The following TNFAIP3 variants were observed in gnomAD, a reference collection of about 807,000 sequenced individuals.
TNFAIP3 encodes TNF alpha induced protein 3.
TNFAIP3 carries 9 observed loss-of-function variants against 72.4 expected under a neutral mutation model. The observed-to-expected ratio is 0.12, with a 90% CI of 0.07 to 0.22. The LOEUF is 0.22. TNFAIP3 is among the 10% of genes least tolerant of loss of function. The pLI, the probability that TNFAIP3 is intolerant of heterozygous loss-of-function variation, is 1.00. For synonymous variants in TNFAIP3, 339 were observed against 372.6 expected, an observed-to-expected ratio of 0.91 and a Z score of 1.04; for missense variants, 833 against 1,018.7, an observed-to-expected ratio of 0.82 and a Z score of 2.48.
At chr6:137,866,647 GA>G (rs1263962630), upstream of TNFAIP3, 1 of 152,376 alleles carries the variant, frequency 6.6e-6, no homozygotes, top group African/African-American at 2.4e-5. Context: ...CTGGGGTCCA[GA>G]GCTGGCAGGA....
chr6:137,873,477 C>T (rs761479232), intron 2 of TNFAIP3, among the ~76,000 whole-genome samples: 1 of 152,212 alleles, frequency 6.6e-6, no homozygotes, highest in Admixed American at 6.5e-5. Context: ...GTCCAGGGTG[C>T]ACTTCGCAGT....
At chr6:137,869,177 C>G (rs1180636928) in intron 1 of TNFAIP3, among the ~76,000 whole-genome samples, 1 of 152,204 alleles carries the variant, frequency 6.6e-6, no homozygotes, top group African/African-American at 2.4e-5. Context: ...TGAGCAGTAC[C>G]TGTAACTCCA....
At chr6:137,879,474 T>A (rs1161691708) in intron 7 of TNFAIP3, 123 bp downstream of exon 7, 1 of 1,185,414 alleles carries the variant, frequency 8.4e-7, no homozygotes, top group East Asian at 2.4e-5. Context: ...TACCGTGCTT[T>A]TCTACCAGCT....
rs2114500725 is a variant in TNFAIP3 at position 137,878,863 on chromosome 6, C to A, written c.1418C>A (p.Thr473Asn). ...CCCAGCCCTTTTCTGTTCAGTGAGACCACTGCCATGAAGTGCAGGAGCCCC... is the reference window on the plus strand; with the variant it reads ...CCCAGCCCTTTTCTGTTCAGTGAGAACACTGCCATGAAGTGCAGGAGCCCC... ...TAPSPFLFSE[T>N]TAMKCRSPGC... is the part of the protein sequence containing the mutation. The change falls in exon 7 of 9, where the codon ACC (threonine) becomes AAC (asparagine). Residue 473 changes from threonine (T) to asparagine (N), a missense_variant. This residue lies in a region of TNFAIP3 where 587 missense variants were observed against 657.8 expected (regional missense o/e 0.89). Coordinates refer to ENST00000612899, the MANE Select transcript of TNFAIP3 (RefSeq NM_001270508.2). 6.2e-7 allele frequency: 1 copy of A among 1,614,194 alleles called. No homozygotes were observed. Among genetic ancestry groups the A allele is most frequent in the Non-Finnish European group, 8.5e-7 (1 of 1,180,038 alleles).
In TNFAIP3 at chr6:137,871,483, T is replaced by G; in HGVS notation, c.256T>G (p.Cys86Gly). 6.2e-7 allele frequency: 1 copy of G among 1,614,114 alleles called. No individual in the cohort carries two copies. Among genetic ancestry groups the G allele is most frequent in the Middle Eastern group, 1.6e-4 (1 of 6,062 alleles). ...GGAAAGCCAGAAGAAACTCAACTGGTGTCGAGAAGTCCGGAAGCTTGTGGC... is the reference window on the plus strand; with the variant it reads ...GGAAAGCCAGAAGAAACTCAACTGGGGTCGAGAAGTCCGGAAGCTTGTGGC... The part of the protein sequence containing the change: ...TLESQKKLNW[C>G]REVRKLVALK... The change falls in exon 2 of 9, where the codon TGT (cysteine) becomes GGT (glycine). Residue 86 changes from cysteine (C) to glycine (G), a missense_variant. Around this residue, in one of 2 missense-constraint regions of TNFAIP3, gnomAD observed 246 missense variants for 360.9 expected, o/e 0.68. Coordinates refer to ENST00000612899, the MANE Select transcript of TNFAIP3 (RefSeq NM_001270508.2). This position sits in a 1 kb window ranked among gnomAD's most constrained non-coding sequence, Gnocchi z 4.2.
In TNFAIP3 at chr6:137,879,200, C is replaced by G; in HGVS notation, c.1755C>G (p.Asp585Glu). 3.1e-6 allele frequency: 5 copies of G among 1,614,146 alleles called. No homozygotes were observed. The highest frequency in any genetic ancestry group is 4.2e-6 in the Non-Finnish European group (5 of 1,180,028). The change falls in exon 7 of 9, where the codon GAC becomes GAG. Residue 585 changes from aspartate (D) to glutamate (E), a missense_variant. Around this residue, in one of 2 missense-constraint regions of TNFAIP3, gnomAD observed 587 missense variants for 657.8 expected, o/e 0.89. Transcript: ENST00000612899. Reference sequence around the variant, plus strand: ...ATTCTTGCCACAGAGCTGGAAACGACGCCCCTGCTGGCTGCCTGTCTCAAG... The same window carrying G: ...ATTCTTGCCACAGAGCTGGAAACGAGGCCCCTGCTGGCTGCCTGTCTCAAG... ...SPHSCHRAGN[D>E]APAGCLSQAA...
Position 137,881,519 on chromosome 6 carries a change from A to G in TNFAIP3, c.*200A>G. ...GGAGTGTTCCCAGGTGGCCTTAGAA[A>G]GCAAAGCTTGTAACTGGCAAGGGAT... is the stretch of plus-strand genomic sequence containing the variant. On this transcript the variant is annotated 3_prime_UTR_variant, in exon 9 of 9. Coordinates refer to ENST00000612899, the MANE Select transcript of TNFAIP3 (RefSeq NM_001270508.2). The surrounding 1 kb of genome is among the most constrained non-coding windows in gnomAD (Gnocchi z 5.0). 2.1e-6 allele frequency: 1 copy of G among 487,712 alleles called. No homozygotes were observed. Among genetic ancestry groups the G allele is most frequent in the Non-Finnish European group, 3.6e-6 (1 of 279,400 alleles). 30.2% of individuals were successfully genotyped at this position (487,712 alleles called of 1,614,324 possible).
Position 137,882,717 on chromosome 6 carries a change from T to C in TNFAIP3, c.*1398T>C, listed in dbSNP as rs1776502705. ...TTTATTTTCTGTTAACACTGTGTCC[T>C]GGGGGGGCTGGGAAGTCCCCTGCAT... On this transcript the variant is annotated 3_prime_UTR_variant, in exon 9 of 9. Transcript: ENST00000612899. 4.3e-6 allele frequency: 1 copy of C among 232,590 alleles called. No homozygotes were observed. The highest frequency in any genetic ancestry group is 6.0e-5 in the East Asian group (1 of 16,632). The allele number at this position is 232,590 out of a possible 1,614,324, so 14.4% of individuals were successfully genotyped here.
Position 137,881,351 on chromosome 6 carries a change from G to A in TNFAIP3, c.*32G>A, listed in dbSNP as rs769013751. On this transcript the variant is annotated 3_prime_UTR_variant, in exon 9 of 9. Coordinates refer to ENST00000612899, the MANE Select transcript of TNFAIP3 (RefSeq NM_001270508.2). The surrounding 1 kb of genome is among the most constrained non-coding windows in gnomAD (Gnocchi z 5.0). ...ACAGGTGGGTCACCTCCTGCAAGAAGTGGGGCCTCGAGCTGTCAGTCATCA... is the reference window on the plus strand; with the variant it reads ...ACAGGTGGGTCACCTCCTGCAAGAAATGGGGCCTCGAGCTGTCAGTCATCA... 7 of 1,520,156 alleles carry A rather than the reference G, an allele frequency of 4.6e-6. No individual in the cohort carries two copies. The South Asian group carries it at 7.8e-5, about 17-fold the overall frequency. 94.2% of individuals were successfully genotyped at this position (1,520,156 alleles called of 1,614,324 possible).
chr6:137,878,730 G>A lies in TNFAIP3; in HGVS notation c.1285G>A (p.Gly429Arg). 1 of 1,614,068 alleles carries A rather than the reference G, an allele frequency of 6.2e-7. No individual in the cohort carries two copies. Among genetic ancestry groups the A allele is most frequent in the Non-Finnish European group, 8.5e-7 (1 of 1,180,010 alleles). The part of the protein sequence containing the change: ...PKLNSKPGPE[G>R]LPGMALGASR... ...GCTGAACTCCAAGCCGGGCCCTGAG[G>A]GGCTCCCTGGCATGGCGCTCGGGGC... The change falls in exon 7 of 9, where the codon GGG becomes AGG. Residue 429 changes from glycine (G) to arginine (R), a missense_variant. By Grantham distance (125) the Gly-to-Arg change is moderately radical. This residue lies in a region of TNFAIP3 where 587 missense variants were observed against 657.8 expected (regional missense o/e 0.89). Transcript: ENST00000612899.
chr6:137,873,844 T>G (rs1414358427), intron 2 of TNFAIP3, among the ~76,000 whole-genome samples: 2 of 152,226 alleles, frequency 1.3e-5, no homozygotes, highest in African/African-American at 2.4e-5. Context: ...ACAGTTTGAC[T>G]GTAATTACAA....
Position 137,881,698 on chromosome 6 carries a change from A to C in TNFAIP3, c.*379A>C. On this transcript the variant is annotated 3_prime_UTR_variant, in exon 9 of 9. Coordinates refer to ENST00000612899, the MANE Select transcript of TNFAIP3 (RefSeq NM_001270508.2). This position sits in a 1 kb window ranked among gnomAD's most constrained non-coding sequence, Gnocchi z 5.0. ...CTTGGCTGAGAAAGGGAAAAGACAC[A>C]CAAGTCGCGTGGGTTGGAGAAGCCA... is the stretch of plus-strand genomic sequence containing the variant. The C allele has an allele frequency of 3.9e-6, 1 of 253,772 alleles. No individual in the cohort carries two copies. The highest frequency in any genetic ancestry group is 7.5e-6 in the Non-Finnish European group (1 of 132,596). The allele number at this position is 253,772 out of a possible 1,614,324, so 15.7% of individuals were successfully genotyped here. A position where few individuals can be genotyped will look rare whatever the true frequency, so the allele number is the denominator to read the frequency against.
intron 8 of TNFAIP3, 85 bp from the exon 9 acceptor site, chr6:137,880,950 C>T (rs1244710090): frequency 6.9e-7 from 1 of 1,450,974 alleles, no homozygotes; most frequent in African/African-American, 1.4e-5. Context: ...CCACACTCTC[C>T]AATGAGATTT....
rs994180147 is a variant in TNFAIP3, at chr6:137,867,877, C to G, written c.-16+335C>G. 1 of 152,446 alleles carries G rather than the reference C, an allele frequency of 6.6e-6. No homozygotes were observed. Among genetic ancestry groups the G allele is most frequent in the African/African-American group, 2.4e-5 (1 of 41,472 alleles). 9.4% of individuals were successfully genotyped at this position (152,446 alleles called of 1,614,324 possible). Reference sequence around the variant, plus strand: ...CGTTGGCGCTTTGCTCCTTTCGTGTCTTTTTTGGAGCCAAGCGTTGCATGC... The same window carrying G: ...CGTTGGCGCTTTGCTCCTTTCGTGTGTTTTTTGGAGCCAAGCGTTGCATGC... On this transcript the variant is annotated intron_variant, in intron 1 of 8. Coordinates refer to ENST00000612899, the MANE Select transcript of TNFAIP3 (RefSeq NM_001270508.2). The surrounding 1 kb of genome is among the most constrained non-coding windows in gnomAD (Gnocchi z 6.0).
intron 1 of TNFAIP3, among the ~76,000 whole-genome samples, chr6:137,868,490 G>A: frequency 6.6e-6 from 1 of 151,568 alleles, no homozygotes; most frequent in East Asian, 1.9e-4. Context: ...TACTATTTTT[G>A]ATTTTTTGGA....
intron 3 of TNFAIP3, 40 bp downstream of exon 3, chr6:137,875,075 T>C (rs766907024): frequency 1.2e-6 from 2 of 1,610,580 alleles, no homozygotes; most frequent in African/African-American, 1.3e-5. Context: ...CAGAGCTCCA[T>C]GGTGGGCATA....
intron 2 of TNFAIP3, among the ~76,000 whole-genome samples, chr6:137,872,101 T>G (rs1460577632): frequency 6.6e-6 from 1 of 152,162 alleles, no homozygotes; most frequent in Non-Finnish European, 1.5e-5. Context: ...TAGCTGAGAT[T>G]TTTAGCATGA....
At position 137,877,308 on chromosome 6, in the gene TNFAIP3, C is replaced by T. The variant is rs772214236; in HGVS notation, c.986+52C>T. The T allele has an allele frequency of 2.0e-6, 3 of 1,504,398 alleles. No homozygotes were observed. The Admixed American group carries it at 6.5e-5, about 33-fold the overall frequency. The allele number at this position is 1,504,398 out of a possible 1,614,324, so 93.2% of individuals were successfully genotyped here. The stretch of plus-strand genomic sequence containing the variant: ...CTGTGTCATCTGTAACTGTCTTTAA[C>T]CTCAGCCACCTGAGTTGCTGCCACC... On this transcript the variant is annotated intron_variant, in intron 6 of 8. Coordinates refer to ENST00000612899, the MANE Select transcript of TNFAIP3 (RefSeq NM_001270508.2).
Position 137,867,300 on chromosome 6 carries a change from C to T in TNFAIP3, c.-258C>T, listed in dbSNP as rs1306706326. The T allele has an allele frequency of 6.6e-6, 1 of 151,586 alleles. No individual in the cohort carries two copies. The highest frequency in any genetic ancestry group is 1.5e-5 in the Non-Finnish European group (1 of 67,602). 9.4% of individuals were successfully genotyped at this position (151,586 alleles called of 1,614,324 possible). A position where few individuals can be genotyped will look rare whatever the true frequency, so the allele number is the denominator to read the frequency against. ...GTGGCGGGCCAAGCGAGCTTGGAGC[C>T]CGCGGGGGCGGAGCGGTGAGAGCGG... On this transcript the variant is annotated 5_prime_UTR_variant, in exon 1 of 9. Transcript: ENST00000612899. This position sits in a 1 kb window ranked among gnomAD's most constrained non-coding sequence, Gnocchi z 6.0.
Sources: gnomAD v4.1 joint callset for allele counts (sites outside exome capture counted in the v4.1 genomes callset) on GRCh38, gnomAD v4.1.1 for gene constraint, gnomAD v4.1.1 regional missense constraint, Gnocchi (gnomAD v3.1) non-coding constraint, MANE v1.5 for transcripts, NCBI Gene and HGNC (gene_info 2026-07-23, HGNC 2026-07-21) for gene names.